The following DSE variants were observed in gnomAD, a reference collection of about 807,000 sequenced individuals.
DSE encodes the protein dermatan sulfate epimerase, also known as dermatan-sulfate epimerase.
In DSE, 36 loss-of-function variants were observed where a neutral mutation model predicts 84.4. The observed-to-expected ratio is 0.43, with a 90% CI of 0.33 to 0.56. The LOEUF (loss-of-function observed/expected upper bound fraction) is 0.56, where lower values mean the gene tolerates loss of function less well. Ranked by LOEUF, DSE falls within the 20% of genes least tolerant of loss-of-function variation. The pLI is 0.06. For missense variants in DSE, 862 were observed against 1,169.6 expected (o/e 0.74, Z 3.84); for synonymous variants, 410 against 430.1 (o/e 0.95, Z 0.58).
At chr6:116,418,062 A>G (rs1782832105) in intron 2 of DSE, among the ~76,000 whole-genome samples, 1 of 152,176 alleles carries the variant, frequency 6.6e-6, no homozygotes, top group Non-Finnish European at 1.5e-5. Context: ...GTCAATGTAC[A>G]TGTGATTAGG....
chr6:116,394,318 G>T lies in DSE; in HGVS notation c.-53-4880G>T, dbSNP rs537195078. On this transcript the variant is annotated intron_variant, in intron 1 of 5. Transcript: ENST00000644252. Reference sequence around the variant, plus strand: ...TTTGCTTTATAAAGATCTGCTTAAGGTAATTGTAATTCATAATTCACGTGG... The same window carrying T: ...TTTGCTTTATAAAGATCTGCTTAAGTTAATTGTAATTCATAATTCACGTGG... 1.0e-3 allele frequency among the ~76,000 whole-genome samples: 155 copies of T among 152,270 alleles called. 2 individuals are homozygous for T. The South Asian group carries it at 0.021, about 21-fold the overall frequency.
At chr6:116,406,176 G>T (rs544491090) in intron 2 of DSE, among the ~76,000 whole-genome samples, 173 of 152,206 alleles carry the variant, frequency 1.1e-3, no homozygotes, top group African/African-American at 3.8e-3. Flanking sequence ...CCTACCTCCC[G>T]CCCTTTCAGT....
At position 116,258,499 on chromosome 6, in the gene DSE, G is replaced by T. The variant is rs529740494; in HGVS notation, c.-522G>T. 41 of 1,135,202 alleles carry T rather than the reference G, an allele frequency of 3.6e-5. 1 individual carries two copies. The South Asian group carries it at 4.9e-4, about 14-fold the overall frequency. The allele number at this position is 1,135,202 out of a possible 1,614,324, so 70.3% of individuals were successfully genotyped here. A position where few individuals can be genotyped will look rare whatever the true frequency, so the allele number is the denominator to read the frequency against. ...TGGGCAACAGCTGGGAAAATCAGCG[G>T]TTGGACTTGGCCACATGCTCCAAGA... On this transcript the variant is annotated 5_prime_UTR_variant, in exon 2 of 4. Transcript: ENST00000430252.
intron 2 of DSE, among the ~76,000 whole-genome samples, chr6:116,417,264 T>C (rs1408249254): frequency 6.6e-6 from 1 of 152,226 alleles, no homozygotes; most frequent in East Asian, 1.9e-4. Flanking sequence ...AAATAGATTA[T>C]GTTTGGGTGG....
chr6:116,261,304 C>T (rs555416925), intron 2 of DSE, among the ~76,000 whole-genome samples: 27 of 151,990 alleles, frequency 1.8e-4, no homozygotes, highest in African/African-American at 5.3e-4. Context: ...ATCAGTTCAC[C>T]GCAAGCTCTG....
chr6:116,307,694 C>T (rs912741858), intron 2 of DSE, among the ~76,000 whole-genome samples: 4 of 152,094 alleles, frequency 2.6e-5, no homozygotes, highest in Non-Finnish European at 5.9e-5. Flanking sequence ...TATACAGTCC[C>T]CTCTCTACCC....
rs78939994 is a variant in DSE, at chr6:116,395,685, G to A, written c.-53-3513G>A. On this transcript the variant is annotated intron_variant, in intron 1 of 5. Transcript: ENST00000644252. Reference sequence around the variant, plus strand: ...TCATAATGCACATTAAAATAAGTACGTAAAATTAACGTAAAGCCTGTCCAT... The same window carrying A: ...TCATAATGCACATTAAAATAAGTACATAAAATTAACGTAAAGCCTGTCCAT... Among the ~76,000 whole-genome samples, 80 of 152,142 alleles carry A rather than the reference G, an allele frequency of 5.3e-4. No homozygotes were observed. In the East Asian group the frequency reaches 5.4e-3, roughly 10 times the overall value.
chr6:116,337,464 G>T (rs1777320451), intron 2 of DSE, among the ~76,000 whole-genome samples: 1 of 152,112 alleles, frequency 6.6e-6, no homozygotes, highest in South Asian at 2.1e-4. Flanking sequence ...ACAAAAATTA[G>T]CCGGGTGTGG....
rs774960997 is a variant in DSE at position 116,437,072 on chromosome 6, G to C, written c.2604G>C (p.Glu868Asp). The C allele has an allele frequency of 1.2e-6, 2 of 1,613,966 alleles. No individual in the cohort carries two copies. The highest frequency in any genetic ancestry group is 1.7e-6 in the Non-Finnish European group (2 of 1,180,014). The stretch of plus-strand genomic sequence containing the variant: ...TAGATTTTGCAGATGTAACATACGA[G>C]AAACATAAAAATGGGGGCTTGATTA... Reference protein sequence around the residue: ...DLLDFADVTYEKHKNGGLIKG... With the variant: ...DLLDFADVTYDKHKNGGLIKG... Residue 868 changes from glutamate to aspartate, a missense_variant, in exon 6 of 6, where the codon GAG becomes GAC. This residue lies in a region of DSE where 315 missense variants were observed against 348.1 expected (regional missense o/e 0.90). Transcript: ENST00000644252.
At chr6:116,305,546 G>A (rs1387543366) in intron 2 of DSE, among the ~76,000 whole-genome samples, 2 of 152,136 alleles carry the variant, frequency 1.3e-5, no homozygotes, top group Non-Finnish European at 2.9e-5. Flanking sequence ...CACTATTAAG[G>A]CAATTGACAA....
Position 116,444,006 on chromosome 6 carries a change from T to A in DSE, c.*6661T>A, listed in dbSNP as rs1784503742. 6.6e-6 allele frequency: 1 copy of A among 152,164 alleles called. No homozygotes were observed. Among genetic ancestry groups the A allele is most frequent in the Non-Finnish European group, 1.5e-5 (1 of 68,026 alleles). The allele number at this position is 152,164 out of a possible 1,614,324, so 9.4% of individuals were successfully genotyped here. ...TCCAGTAAAATAAAAGGAATTTCTG[T>A]TTATTGTCTCCTTGATAATCTTGAT... On this transcript the variant is annotated 3_prime_UTR_variant, in exon 6 of 6. Transcript: ENST00000644252.
intron 2 of DSE, among the ~76,000 whole-genome samples, chr6:116,326,463 T>C (rs1293483037): frequency 6.6e-6 from 1 of 152,236 alleles, no homozygotes; most frequent in Admixed American, 6.5e-5. Context: ...TTAGGGTATC[T>C]TGCTGATAAG....
chr6:116,399,293 T>C lies in DSE; in HGVS notation c.43T>C (p.Tyr15His), dbSNP rs1781445971. ...GGGGGCTCCCAGTGTGTTTTTCATA[T>C]ATTTGCTTTGCTTTGTGTCAGCCTA... ...TRGAPSVFFI[Y>H]LLCFVSAYIT... The change falls in exon 2 of 6, where the codon TAT (tyrosine) becomes CAT (histidine). Residue 15 changes from tyrosine to histidine, a missense_variant. Transcript: ENST00000644252. 8 of 1,613,966 alleles carry C rather than the reference T, an allele frequency of 5.0e-6. No homozygotes were observed. The highest frequency in any genetic ancestry group is 4.2e-6 in the Non-Finnish European group (5 of 1,180,038).
intron 2 of DSE, among the ~76,000 whole-genome samples, chr6:116,410,650 C>T (rs1374543812): frequency 2.1e-5 from 3 of 142,276 alleles, no homozygotes; most frequent in South Asian, 2.3e-4. Context: ...AGGAGAATGG[C>T]GTGAACCCAG....
At chr6:116,381,220 T>G (rs1025071234) in intron 1 of DSE, among the ~76,000 whole-genome samples, 2 of 151,924 alleles carry the variant, frequency 1.3e-5, no homozygotes, top group Non-Finnish European at 2.9e-5. Flanking sequence ...AAGTACCACG[T>G]TGGATGTGGA....
chr6:116,430,139 A>AGATTCAG (rs1379980427), intron 3 of DSE, among the ~76,000 whole-genome samples: 7 of 152,182 alleles, frequency 4.6e-5, no homozygotes, highest in Non-Finnish European at 1.5e-5. Context: ...ATTTTTTGGC[A>AGATTCAG]GATTCAGGAT....
At chr6:116,322,616 GT>G (rs1304310082) in intron 2 of DSE, among the ~76,000 whole-genome samples, 1 of 150,798 alleles carries the variant, frequency 6.6e-6, no homozygotes, top group Non-Finnish European at 1.5e-5. Context: ...GATTTTTTAG[GT>G]TTCTGATTGC....
rs534762893 is a variant in DSE at position 116,397,505 on chromosome 6, C to A, written c.-53-1693C>A. 3.3e-5 allele frequency among the ~76,000 whole-genome samples: 5 copies of A among 152,262 alleles called. No homozygotes were observed. The South Asian group carries it at 1.0e-3, about 32-fold the overall frequency. On this transcript the variant is annotated intron_variant, in intron 1 of 5. Transcript: ENST00000644252. ...TACAGGCATGAGCCACCGTGCCTGG[C>A]CGGTATATTGTTCTCTAAATGGAGC...
intron 2 of DSE, among the ~76,000 whole-genome samples, chr6:116,357,644 G>T (rs1188227027): frequency 6.6e-6 from 1 of 151,920 alleles, no homozygotes; most frequent in Non-Finnish European, 1.5e-5. Context: ...AATAAAATAT[G>T]TAAGAACTTT....
Sources: allele counts gnomAD v4.1 joint callset (sites outside exome capture counted in the v4.1 genomes callset), GRCh38; gene constraint gnomAD v4.1.1; regional missense constraint gnomAD v4.1.1; transcripts MANE v1.5; gene names NCBI Gene and HGNC (gene_info 2026-07-23, HGNC 2026-07-21).